The following HERC5 variants were observed in gnomAD, a reference collection of about 807,000 sequenced individuals.
HERC5 encodes the protein HECT and RLD domain containing E3 ubiquitin protein ligase 5.
A neutral mutation model predicts 119.6 loss-of-function variants in HERC5; 99 were observed. The observed-to-expected ratio is 0.83, with a 90% CI of 0.70 to 0.98. The LOEUF (loss-of-function observed/expected upper bound fraction) is 0.98. Ranked by LOEUF, HERC5 falls within the 50% of genes least tolerant of loss-of-function variation. The pLI is 0.00. For missense variants in HERC5, 1,267 were observed against 1,241.3 expected (o/e 1.02, Z -0.31); for synonymous variants, 478 against 445.9 (o/e 1.07, Z -0.91).
intron 19 of HERC5, 38 bp downstream of exon 19, chr4:88,500,030 A>T: frequency 7.8e-7 from 1 of 1,278,802 alleles, no homozygotes; most frequent in Non-Finnish European, 1.1e-6. Flanking sequence ...ATTAGTTTTA[A>T]TCTGATTAAC....
chr4:88,457,212 T>G lies in HERC5; in HGVS notation c.-58T>G, dbSNP rs949902910. 2 of 1,264,932 alleles carry G rather than the reference T, an allele frequency of 1.6e-6. No homozygotes were observed. Among genetic ancestry groups the G allele is most frequent in the Non-Finnish European group, 2.0e-6 (2 of 1,003,320 alleles). 78.4% of individuals were successfully genotyped at this position (1,264,932 alleles called of 1,614,324 possible). A position where few individuals can be genotyped will look rare whatever the true frequency, so the allele number is the denominator to read the frequency against. ...CGCCTGAGGCAGTGGGCGCGCTCAGTCCCGGGACCAGGCGTTCTCTCCTCT... is the reference window on the plus strand; with the variant it reads ...CGCCTGAGGCAGTGGGCGCGCTCAGGCCCGGGACCAGGCGTTCTCTCCTCT... On this transcript the variant is annotated 5_prime_UTR_variant, in exon 1 of 23. Transcript: ENST00000264350.
At chr4:88,486,977 C>A in intron 14 of HERC5, 92 bp from the exon 15 acceptor site, 2 of 775,276 alleles carry the variant, frequency 2.6e-6, no homozygotes, top group Non-Finnish European at 4.2e-6. Context: ...AGTACTGAGA[C>A]CTTAAACCAT....
In HERC5 at chr4:88,457,365, G is replaced by T. The variant is rs768709704; in HGVS notation, c.96G>T (p.Gln32His). ...ATQPAKSPGA[Q>H]LWLFPSAAGL... ...AGCCCGCGAAGTCTCCGGGCGCACA[G>T]CTCTGGCTCTTTCCCAGCGCCGCGG... The change falls in exon 1 of 23, where the codon CAG becomes CAT. Residue 32 changes from glutamine to histidine, a missense_variant. Transcript: ENST00000264350. The T allele has an allele frequency of 3.3e-5, 47 of 1,424,612 alleles. No homozygotes were observed. Among genetic ancestry groups the T allele is most frequent in the Non-Finnish European group, 4.2e-5 (46 of 1,090,840 alleles). 88.2% of individuals were successfully genotyped at this position (1,424,612 alleles called of 1,614,324 possible).
At chr4:88,494,048 A>C (rs186876509) in intron 17 of HERC5, 117 bp from the exon 18 acceptor site, 3 of 640,658 alleles carry the variant, frequency 4.7e-6, no homozygotes, top group East Asian at 6.7e-5. Context: ...TCAGGCTTTA[A>C]ATTTTTCAAT....
intron 19 of HERC5, 69 bp downstream of exon 19, chr4:88,500,061 C>A: frequency 1.1e-6 from 1 of 931,970 alleles, no homozygotes; most frequent in Non-Finnish European, 1.7e-6. Flanking sequence ...TTTAACTAAA[C>A]ATGTCAACTT....
intron 12 of HERC5, 139 bp from the exon 13 acceptor site, chr4:88,479,214 G>A: frequency 6.0e-6 from 3 of 496,712 alleles, no homozygotes; most frequent in Non-Finnish European, 1.0e-5. Flanking sequence ...GAACCTGGGA[G>A]GCAGAGGATG....
At chr4:88,490,238 G>A (rs1477541023) in intron 16 of HERC5, among the ~76,000 whole-genome samples, 1 of 152,128 alleles carries the variant, frequency 6.6e-6, no homozygotes, top group Non-Finnish European at 1.5e-5. Flanking sequence ...ACTGTTTTAA[G>A]TGCCTTATAC....
At chr4:88,485,252 A>C (rs1225712392) in intron 13 of HERC5, among the ~76,000 whole-genome samples, 1 of 152,172 alleles carries the variant, frequency 6.6e-6, no homozygotes, top group Non-Finnish European at 1.5e-5. Context: ...AGAATATTTT[A>C]TATTTGTCAG....
chr4:88,460,295 C>T, intron 3 of HERC5, 124 bp downstream of exon 3: 1 of 481,402 alleles, frequency 2.1e-6, no homozygotes, highest in Non-Finnish European at 3.7e-6. Context: ...TGATATGGTT[C>T]CGAGTACGAT....
chr4:88,466,448 C>G (rs1366877351), intron 6 of HERC5, among the ~76,000 whole-genome samples: 1 of 152,180 alleles, frequency 6.6e-6, no homozygotes, highest in Non-Finnish European at 1.5e-5. Context: ...TAAACTTAAT[C>G]TCCAGCACTG....
intron 12 of HERC5, 70 bp from the exon 13 acceptor site, chr4:88,479,269 GGTGAGACTCTGTCT>G (rs1741190457): frequency 8.7e-7 from 1 of 1,147,266 alleles, no homozygotes; most frequent in Admixed American, 2.6e-5. Context: ...TGGGCAACAG[GGTGAGACTCTGTCT>G]CAAAAAAAAA....
intron 18 of HERC5, among the ~76,000 whole-genome samples, chr4:88,497,746 C>T (rs1028641374): frequency 6.6e-6 from 1 of 152,120 alleles, no homozygotes; most frequent in Non-Finnish European, 1.5e-5. Context: ...AAGGGTATGG[C>T]CAGGTGACTC....
Position 88,470,659 on chromosome 4 carries a change from T to G in HERC5, c.1284T>G (p.Ser428Arg). 2 of 1,464,522 alleles carry G rather than the reference T, an allele frequency of 1.4e-6. No individual in the cohort carries two copies. Among genetic ancestry groups the G allele is most frequent in the South Asian group, 2.3e-5 (2 of 86,426 alleles). 90.7% of individuals were successfully genotyped at this position (1,464,522 alleles called of 1,614,324 possible). ...CATCTCCTGCTTGTCTAACTGGAAG[T>G]TTTTTAAGGAAAAGGTAATATATGT... ...IFSSPACLTG[S>R]FLRKRRTTEM... The change falls in exon 10 of 23, where the codon AGT becomes AGG. Residue 428 changes from serine to arginine, a missense_variant. By Grantham distance (110) the Ser-to-Arg change is moderately radical. This residue lies in a region of HERC5 where 777 missense variants were observed against 758.0 expected (regional missense o/e 1.03). Transcript: ENST00000264350.
At position 88,459,420 on chromosome 4, in the gene HERC5, A is replaced by T; in HGVS notation, c.339A>T (p.Ser113=). 1 of 1,595,842 alleles carries T rather than the reference A, an allele frequency of 6.3e-7. No individual in the cohort carries two copies. The highest frequency in any genetic ancestry group is 8.5e-7 in the Non-Finnish European group (1 of 1,171,796). The stretch of plus-strand genomic sequence containing the variant: ...GAGCAGAGCACATGCTGATTCTCTC[A>T]TCAGATGGAAAACCATTTGAGTATG... ...DQGAEHMLIL[S]SDGKPFEYDN... The change falls in exon 2 of 23, where the codon TCA becomes TCT. Residue 113 remains serine (S), a synonymous_variant. Transcript: ENST00000264350.
At chr4:88,501,040 G>A (rs1035894155) in intron 20 of HERC5, 55 bp downstream of exon 20, 1 of 1,248,876 alleles carries the variant, frequency 8.0e-7, no homozygotes, top group African/African-American at 1.5e-5. Context: ...TTATTTTACT[G>A]AGCTCTAAAA....
chr4:88,492,914 C>T, intron 16 of HERC5, 98 bp from the exon 17 acceptor site: 1 of 1,177,110 alleles, frequency 8.5e-7, no homozygotes. Flanking sequence ...ATACTTGGGT[C>T]CACAATTAAT....
chr4:88,467,769 A>G, intron 7 of HERC5: 1 of 299,532 alleles, frequency 3.3e-6, no homozygotes, highest in Non-Finnish European at 4.9e-6. Flanking sequence ...TCTGGAGTTG[A>G]ACCCGTGCCC....
intron 22 of HERC5, among the ~76,000 whole-genome samples, 179 bp from the exon 23 acceptor site, chr4:88,505,494 G>A (rs1742077493): frequency 6.6e-6 from 1 of 152,160 alleles, no homozygotes; most frequent in Admixed American, 6.5e-5. Flanking sequence ...ACTTTAAGCT[G>A]CTTGAGGACA....
intron 6 of HERC5, among the ~76,000 whole-genome samples, chr4:88,465,776 A>C (rs1215514658): frequency 1.3e-5 from 2 of 152,216 alleles, no homozygotes; most frequent in East Asian, 3.8e-4. Flanking sequence ...TTATTACAAG[A>C]AAAGGATACA....
Sources: gnomAD v4.1 joint callset for allele counts (sites outside exome capture counted in the v4.1 genomes callset) on GRCh38, gnomAD v4.1.1 for gene constraint, gnomAD v4.1.1 regional missense constraint, MANE v1.5 for transcripts, NCBI Gene and HGNC (gene_info 2026-07-23, HGNC 2026-07-21) for gene names.